The following LRRIQ3 variants were observed in gnomAD, a reference collection of about 807,000 sequenced individuals.
The protein encoded by LRRIQ3 is leucine rich repeats and IQ motif containing 3.
LRRIQ3 carries 75 observed loss-of-function variants against 59.3 expected under a neutral mutation model. That is an observed-to-expected ratio of 1.26 (90% CI 1.05 to 1.53). LRRIQ3 has a LOEUF of 1.53. Ranked by LOEUF, LRRIQ3 falls within the 40% of genes most tolerant of loss-of-function variation. The pLI, the probability that LRRIQ3 is intolerant of heterozygous loss-of-function variation, is 0.00. For missense variants in LRRIQ3, 831 were observed against 710.0 expected (o/e 1.17, Z -1.94); for synonymous variants, 250 against 231.3 (o/e 1.08, Z -0.73).
At chr1:74,168,990 G>C (rs562443886) in intron 3 of LRRIQ3, among the ~76,000 whole-genome samples, 1 of 152,060 alleles carries the variant, frequency 6.6e-6, no homozygotes, top group East Asian at 1.9e-4. Flanking sequence ...ATTATTGCAA[G>C]CTTTAGGCTC....
intron 3 of LRRIQ3, among the ~76,000 whole-genome samples, chr1:74,161,590 A>T (rs1204225474): frequency 6.6e-6 from 1 of 151,830 alleles, no homozygotes; most frequent in African/African-American, 2.4e-5. Context: ...AAGCAGAAAG[A>T]ATACAGGAGG....
chr1:74,132,982 A>G (rs1324051589), intron 4 of LRRIQ3, among the ~76,000 whole-genome samples: 1 of 152,174 alleles, frequency 6.6e-6, no homozygotes, highest in African/African-American at 2.4e-5. Context: ...ATGGGCTAAT[A>G]TCCAGAATCT....
intron 3 of LRRIQ3, among the ~76,000 whole-genome samples, chr1:74,172,077 T>A (rs913172899): frequency 2.0e-5 from 3 of 152,174 alleles, no homozygotes; most frequent in Non-Finnish European, 4.4e-5. Flanking sequence ...TTTGTTGAAT[T>A]TCTTTGCTAT....
rs371747342 is a variant in LRRIQ3, at chr1:74,026,900, G to A, written c.1788C>T (p.Ala596=). Reference sequence around the variant, plus strand: ...TTTTAGCATCTTGAAGTCTTTCACAGGCTTTTTCAAAGGCAATCATATCCA... The same window carrying A: ...TTTTAGCATCTTGAAGTCTTTCACAAGCTTTTTCAAAGGCAATCATATCCA... ...FVMDMIAFEK[A]CERLQDAKTK... Residue 596 remains alanine (A), a synonymous_variant, in exon 8 of 8, where the codon GCC becomes GCT. Transcript: ENST00000354431. The A allele has an allele frequency of 6.2e-7, 1 of 1,604,742 alleles. No homozygotes were observed. The highest frequency in any genetic ancestry group is 1.3e-5 in the African/African-American group (1 of 74,482).
intron 4 of LRRIQ3, among the ~76,000 whole-genome samples, chr1:74,111,733 C>T (rs1486302395): frequency 1.3e-5 from 2 of 152,044 alleles, no homozygotes; most frequent in Non-Finnish European, 2.9e-5. Context: ...ATTTAAACCA[C>T]AATTTTCTCT....
intron 3 of LRRIQ3, chr1:74,179,991 C>G (rs772105008): frequency 4.6e-5 from 7 of 151,788 alleles, no homozygotes; most frequent in Non-Finnish European, 8.8e-5. Context: ...GAGGCAAGTA[C>G]CACTTCACTT....
At chr1:74,028,150 C>T (rs776590309) in intron 7 of LRRIQ3, among the ~76,000 whole-genome samples, 16 of 152,060 alleles carry the variant, frequency 1.1e-4, no homozygotes, top group East Asian at 1.9e-4. Context: ...TTGTCTGGGT[C>T]TTACAGTCTG....
chr1:74,178,000 C>T (rs1649751960), intron 3 of LRRIQ3, among the ~76,000 whole-genome samples: 2 of 151,790 alleles, frequency 1.3e-5, no homozygotes, highest in South Asian at 4.2e-4. Flanking sequence ...ATGGTCAGAA[C>T]TAAAATATCA....
chr1:74,063,557 T>C (rs1355776667), intron 6 of LRRIQ3, among the ~76,000 whole-genome samples: 1 of 152,092 alleles, frequency 6.6e-6, no homozygotes, highest in African/African-American at 2.4e-5. Context: ...TTTCTGTCAA[T>C]TTGGGGTTTC....
At chr1:74,099,103 C>T (rs546220705) in intron 5 of LRRIQ3, among the ~76,000 whole-genome samples, 1 of 152,052 alleles carries the variant, frequency 6.6e-6, no homozygotes, top group East Asian at 1.9e-4. Context: ...TTCAAAAAAT[C>T]AATGAATTCA....
intron 4 of LRRIQ3, among the ~76,000 whole-genome samples, chr1:74,137,315 T>A (rs1283530279): frequency 6.6e-6 from 1 of 152,044 alleles, no homozygotes; most frequent in Non-Finnish European, 1.5e-5. Context: ...AAGAAGACAT[T>A]TATGCGGCCA....
At chr1:74,124,077 T>A (rs1646900610) in intron 4 of LRRIQ3, among the ~76,000 whole-genome samples, 1 of 151,990 alleles carries the variant, frequency 6.6e-6, no homozygotes, top group Admixed American at 6.6e-5. Flanking sequence ...TGAGATGGTA[T>A]CTCAATGTAG....
intron 4 of LRRIQ3, among the ~76,000 whole-genome samples, chr1:74,136,301 A>C (rs139808411): frequency 1.3e-5 from 2 of 151,986 alleles, no homozygotes; most frequent in Non-Finnish European, 2.9e-5. Flanking sequence ...TTTACTAAAC[A>C]TTTAAGATAG....
chr1:74,103,997 TC>T (rs1646572413), intron 5 of LRRIQ3, among the ~76,000 whole-genome samples: 1 of 151,992 alleles, frequency 6.6e-6, no homozygotes, highest in African/African-American at 2.4e-5. Context: ...GTAAGGTGAA[TC>T]CTTCTCTTTC....
intron 3 of LRRIQ3, among the ~76,000 whole-genome samples, chr1:74,173,909 G>T (rs1036923298): frequency 6.6e-6 from 1 of 151,804 alleles, no homozygotes; most frequent in Non-Finnish European, 1.5e-5. Flanking sequence ...GTCACGTTTT[G>T]GGTTTTTTAT....
At chr1:74,105,019 A>G (rs1646589206) in intron 5 of LRRIQ3, among the ~76,000 whole-genome samples, 1 of 152,062 alleles carries the variant, frequency 6.6e-6, no homozygotes, top group Non-Finnish European at 1.5e-5. Context: ...TATAAAACAG[A>G]GGTACCTGAA....
chr1:74,084,102 G>A lies in LRRIQ3; in HGVS notation c.868-9312C>T, dbSNP rs996942231. Reference sequence around the variant, plus strand: ...ATCCCTAGTGTCCAATCAGAGACAAGTTTTCATCCTGTTGTCCAATGAATG... The same window carrying A: ...ATCCCTAGTGTCCAATCAGAGACAAATTTTCATCCTGTTGTCCAATGAATG... On this transcript the variant is annotated intron_variant, in intron 5 of 7. Transcript: ENST00000354431. 3.4e-6 allele frequency: 5 copies of A among 1,478,512 alleles called. No individual in the cohort carries two copies. The African/African-American group carries it at 7.1e-5, about 21-fold the overall frequency. The allele number at this position is 1,478,512 out of a possible 1,614,324, so 91.6% of individuals were successfully genotyped here.
intron 5 of LRRIQ3, among the ~76,000 whole-genome samples, chr1:74,103,323 G>A (rs940312442): frequency 1.3e-5 from 2 of 151,964 alleles, no homozygotes; most frequent in South Asian, 4.1e-4. Flanking sequence ...CTTTACTACA[G>A]TGCCTGGAAT....
At chr1:74,077,407 T>C (rs1314939483) in intron 5 of LRRIQ3, among the ~76,000 whole-genome samples, 1 of 151,960 alleles carries the variant, frequency 6.6e-6, no homozygotes, top group Admixed American at 6.6e-5. Context: ...AGTGATCCTG[T>C]TTCCACTAGT....
Sources: gnomAD v4.1 joint callset for allele counts (sites outside exome capture counted in the v4.1 genomes callset) on GRCh38, gnomAD v4.1.1 for gene constraint, MANE v1.5 for transcripts, NCBI Gene and HGNC (gene_info 2026-07-23, HGNC 2026-07-21) for gene names.